The following CHST7 variants were observed in gnomAD, a reference collection of about 807,000 sequenced individuals.
CHST7 encodes the protein N-acetylglucosamine 6-O-sulfotransferase 4.
In CHST7, 5 loss-of-function variants were observed where a neutral mutation model predicts 9.0. That is an observed-to-expected ratio of 0.56 (90% confidence interval 0.29 to 1.17). The LOEUF is 1.17. Ranked by LOEUF, CHST7 falls within the 50% of genes most tolerant of loss-of-function variation. CHST7 has a pLI of 0.08. For missense variants in CHST7, 377 were observed against 485.1 expected (o/e 0.78, Z 2.09); for synonymous variants, 244 against 237.1 (o/e 1.03, Z -0.27).
At chrX:46,594,412 A>G (rs2146643035) in intron 1 of CHST7, among the ~76,000 whole-genome samples, 1 of 110,225 alleles carries the variant, frequency 9.1e-6, no homozygotes, top group South Asian at 4.0e-4. Flanking sequence ...CCTGTAATCC[A>G]GCTACTTGGA....
At chrX:46,576,901 G>T (rs1311861516) in intron 1 of CHST7, among the ~76,000 whole-genome samples, 1 of 111,942 alleles carries the variant, frequency 8.9e-6, no homozygotes, top group Non-Finnish European at 1.9e-5. Flanking sequence ...AAATTGCTAG[G>T]AAGTCTGTGT....
rs1450167006 is a variant in CHST7, at chrX:46,574,127, G to A, written c.196G>A (p.Glu66Lys). ...SLEAAAAGER[E>K]QGAEARAAEE... Reference sequence around the variant, plus strand: ...GGAGGCGGCGGCGGCCGGCGAACGCGAGCAGGGAGCGGAGGCGCGGGCCGC... The same window carrying A: ...GGAGGCGGCGGCGGCCGGCGAACGCAAGCAGGGAGCGGAGGCGCGGGCCGC... The change falls in exon 1 of 2, where the codon GAG becomes AAG. Residue 66 changes from glutamate to lysine, a missense_variant. Transcript: ENST00000276055. 8.6e-7 allele frequency: 1 copy of A among 1,163,462 alleles called. No individual in the cohort carries two copies. The highest frequency in any genetic ancestry group is 1.1e-6 in the Non-Finnish European group (1 of 872,198).
At chrX:46,582,443 T>C (rs1942529787) in intron 1 of CHST7, among the ~76,000 whole-genome samples, 2 of 111,961 alleles carry the variant, frequency 1.8e-5, no homozygotes, top group South Asian at 7.4e-4. Flanking sequence ...TTTTTTCATC[T>C]TGGCCAGTTT....
intron 1 of CHST7, among the ~76,000 whole-genome samples, chrX:46,578,547 C>T (rs1050746286): frequency 1.9e-5 from 2 of 103,123 alleles, no homozygotes; most frequent in Non-Finnish European, 3.9e-5. Flanking sequence ...ACTACAGGTG[C>T]ACACCACCAC....
chrX:46,575,541 A>G, intron 1 of CHST7, 118 bp downstream of exon 1: 1 of 595,529 alleles, frequency 1.7e-6, no homozygotes, highest in Non-Finnish European at 2.3e-6. Context: ...CTATCAGATC[A>G]GGTCCAAGAG....
chrX:46,592,702 G>T (rs1438265632), intron 1 of CHST7, among the ~76,000 whole-genome samples: 2 of 110,243 alleles, frequency 1.8e-5, no homozygotes, highest in African/African-American at 6.6e-5. Context: ...CCAGCTTTTT[G>T]TTTCATTGTA....
In CHST7 at chrX:46,575,179, C is replaced by T. The variant is rs746477728; in HGVS notation, c.1248C>T (p.Ala416=). The T allele has an allele frequency of 1.2e-3, 1,300 of 1,099,928 alleles. 3 individuals are homozygous for T. The highest frequency in any genetic ancestry group is 1.6e-3 in the Admixed American group (46 of 29,418). The allele number at this position is 1,099,928 out of a possible 1,213,427, so 90.6% of individuals were successfully genotyped here. ...LNMTRGAAYG[A]DRPFHLSARD... is the part of the protein sequence containing the mutation. ...TGACTCGCGGCGCGGCCTACGGCGC[C>T]GACCGGCCCTTCCACCTGTCAGCGC... The change falls in exon 1 of 2, where the codon GCC becomes GCT. Residue 416 remains alanine (A), a synonymous_variant. Coordinates refer to ENST00000276055, the MANE Select transcript of CHST7 (RefSeq NM_019886.4).
chrX:46,574,436 C>A lies in CHST7; in HGVS notation c.505C>A (p.Arg169=). 2.5e-6 allele frequency: 3 copies of A among 1,207,469 alleles called. No homozygotes were observed. The highest frequency in any genetic ancestry group is 1.1e-6 in the Non-Finnish European group (1 of 894,160). Residue 169 remains arginine (R), a synonymous_variant, in exon 1 of 2, where the codon CGG becomes AGG. Transcript: ENST00000276055. Reference sequence around the variant, plus strand: ...CTTCCGCTGCGACTTCTCCGTGCTGCGGCTGTACGCGCCGCCGGGGGACCC... The same window carrying A: ...CTTCCGCTGCGACTTCTCCGTGCTGAGGCTGTACGCGCCGCCGGGGGACCC... The part of the protein sequence containing the change: ...SLFRCDFSVL[R]LYAPPGDPAA...
intron 1 of CHST7, among the ~76,000 whole-genome samples, chrX:46,581,725 AGCTGGGATTACAGGCAT>A (rs1392365162): frequency 9.2e-6 from 1 of 109,155 alleles, no homozygotes; most frequent in Non-Finnish European, 1.9e-5. Context: ...CCTCCTGAGT[AGCTGGGATTACAGGCAT>A]GCGCCACCAC....
intron 1 of CHST7, among the ~76,000 whole-genome samples, chrX:46,595,442 G>A (rs182769257): frequency 8.9e-6 from 1 of 112,440 alleles, no homozygotes; most frequent in African/African-American, 3.2e-5. Flanking sequence ...CCAGGTCAAG[G>A]TGGCAGTCCA....
intron 1 of CHST7, among the ~76,000 whole-genome samples, chrX:46,587,110 C>T (rs776152254): frequency 3.3e-4 from 37 of 111,619 alleles, no homozygotes; most frequent in Non-Finnish European, 4.7e-4. Context: ...AAATTTTTAG[C>T]TGGGGTGGGT....
In CHST7 at chrX:46,591,039, T is replaced by C. The variant is rs1188261401; in HGVS notation, c.*32-6721T>C. On this transcript the variant is annotated intron_variant, in intron 1 of 1. Transcript: ENST00000276055. ...ATAATAGTTTGTTCTTTTTCATTGC[T>C]GAGTAATATTTCATGGTATGGTTGT... Among the ~76,000 whole-genome samples the C allele has an allele frequency of 1.4e-4, 16 of 112,916 alleles. 1 individual carries two copies. The highest frequency in any genetic ancestry group is 1.3e-3 in the Admixed American group (14 of 10,708).
rs1942493424 is a variant in CHST7 at position 46,575,283 on chromosome X, C to A, written c.1352C>A (p.Ala451Asp). ...GTGCGCCAGGTGGAGGCCGCCTGCG[C>A]TCCAGCCATGCGTCTGCTCGCCTAC... ...EQVRQVEAAC[A>D]PAMRLLAYPR... The change falls in exon 1 of 2, where the codon GCT becomes GAT. Residue 451 changes from alanine to aspartate, a missense_variant. Transcript: ENST00000276055. The A allele has an allele frequency of 1.8e-6, 2 of 1,110,374 alleles. No individual in the cohort carries two copies. Among genetic ancestry groups the A allele is most frequent in the Non-Finnish European group, 2.4e-6 (2 of 850,276 alleles). 91.5% of individuals were successfully genotyped at this position (1,110,374 alleles called of 1,213,427 possible). A position where few individuals can be genotyped will look rare whatever the true frequency, so the allele number is the denominator to read the frequency against.
At chrX:46,594,021 T>C (rs113160101) in intron 1 of CHST7, among the ~76,000 whole-genome samples, 2 of 112,377 alleles carry the variant, frequency 1.8e-5, no homozygotes, top group African/African-American at 3.2e-5. Flanking sequence ...CTCAAGAGAA[T>C]AGTTTATTAA....
At position 46,573,983 on chromosome X, in the gene CHST7, T is replaced by TTGGTGCTGTACACGC; in HGVS notation, c.62_76dup (p.Tyr21_Leu25dup). ...AGAGTACTGCAAGTTCGCGCTGCTG[T>TTGGTGCTGTACACGC]TGGTGCTGTACACGCTGGTGCTGTT... On this transcript the variant is annotated inframe_insertion, in exon 1 of 2. Coordinates refer to ENST00000276055, the MANE Select transcript of CHST7 (RefSeq NM_019886.4). 8.6e-7 allele frequency: 1 copy of TTGGTGCTGTACACGC among 1,156,195 alleles called. No individual in the cohort carries two copies. The highest frequency in any genetic ancestry group is 3.2e-5 in the East Asian group (1 of 30,831).
chrX:46,590,092 A>C (rs1361858431), intron 1 of CHST7, among the ~76,000 whole-genome samples: 2 of 111,191 alleles, frequency 1.8e-5, no homozygotes, highest in Non-Finnish European at 3.8e-5. Context: ...GGCTGGTAGT[A>C]CTCTCCATAA....
chrX:46,591,236 G>A (rs986026994), intron 1 of CHST7, among the ~76,000 whole-genome samples: 17 of 112,298 alleles, frequency 1.5e-4, no homozygotes, highest in African/African-American at 5.5e-4. Context: ...GTGTGGAAGT[G>A]TCTGTTTAGT....
intron 1 of CHST7, among the ~76,000 whole-genome samples, chrX:46,581,745 G>A (rs1201348170): frequency 9.2e-6 from 1 of 108,889 alleles, no homozygotes; most frequent in African/African-American, 3.3e-5. Context: ...ACAGGCATGC[G>A]CCACCACACC....
chrX:46,577,123 CTTTTT>C (rs34822854), intron 1 of CHST7, among the ~76,000 whole-genome samples: 3 of 69,388 alleles, frequency 4.3e-5, no homozygotes, highest in Non-Finnish European at 8.5e-5. Context: ...GAAACTTTTG[CTTTTT>C]TTTTTTTTTT....
Sources: gnomAD v4.1 joint callset for allele counts (sites outside exome capture counted in the v4.1 genomes callset) on GRCh38, gnomAD v4.1.1 for gene constraint, MANE v1.5 for transcripts, NCBI Gene and HGNC (gene_info 2026-07-23, HGNC 2026-07-21) for gene names.